The following CDKL2 variants were observed in gnomAD, a reference collection of about 807,000 sequenced individuals.
The protein encoded by CDKL2 is cyclin dependent kinase like 2, also known as cyclin-dependent kinase-like 2.
Under a neutral mutation model 63.9 loss-of-function variants are expected in CDKL2, and 64 were observed. The observed-to-expected ratio is 1.00, with a 90% CI of 0.82 to 1.23. CDKL2 has a LOEUF of 1.23. Among genes scored for constraint, CDKL2 ranks in the 50% most tolerant of loss-of-function variants. The pLI, the probability that CDKL2 is intolerant of heterozygous loss-of-function variation, is 0.00. For missense variants in CDKL2, 656 were observed against 668.0 expected, an observed-to-expected ratio of 0.98 and a Z score of 0.20; for synonymous variants, 211 against 229.2, an observed-to-expected ratio of 0.92 and a Z score of 0.72.
intron 3 of CDKL2, among the ~76,000 whole-genome samples, chr4:75,608,981 G>A (rs1442764432): frequency 2.8e-5 from 4 of 141,878 alleles, no homozygotes; most frequent in South Asian, 2.2e-4. Context: ...GCAACAGAGC[G>A]AGACTCCATC....
chr4:75,585,051 C>CT (rs1334001913), intron 12 of CDKL2, among the ~76,000 whole-genome samples: 4 of 152,040 alleles, frequency 2.6e-5, no homozygotes, highest in Non-Finnish European at 2.9e-5. Context: ...GAAAGAAACA[C>CT]TTTAAATATA....
intron 3 of CDKL2, among the ~76,000 whole-genome samples, chr4:75,609,406 A>T (rs1420071080): frequency 1.3e-5 from 2 of 151,660 alleles, no homozygotes; most frequent in Non-Finnish European, 2.9e-5. Flanking sequence ...GGAGTTTGAG[A>T]CCAGCCTGGC....
chr4:75,610,148 A>G (rs905913333), intron 3 of CDKL2, among the ~76,000 whole-genome samples: 5 of 151,486 alleles, frequency 3.3e-5, no homozygotes, highest in Admixed American at 1.3e-4. Context: ...GCTTGCAGTG[A>G]GCCGAAATCG....
intron 7 of CDKL2, among the ~76,000 whole-genome samples, chr4:75,599,441 A>T (rs1302559788): frequency 6.7e-6 from 1 of 150,144 alleles, no homozygotes; most frequent in Admixed American, 6.8e-5. Context: ...CATGCCTGTA[A>T]TCCCAGCTAC....
chr4:75,598,355 G>C, intron 7 of CDKL2, 143 bp from the exon 8 acceptor site: 1 of 458,314 alleles, frequency 2.2e-6, no homozygotes, highest in Non-Finnish European at 3.7e-6. Flanking sequence ...GCCTAGATCA[G>C]CAGTTTGGAA....
intron 3 of CDKL2, among the ~76,000 whole-genome samples, chr4:75,607,924 T>C (rs1476540616): frequency 6.6e-6 from 1 of 151,970 alleles, no homozygotes; most frequent in Non-Finnish European, 1.5e-5. Context: ...GCCATTCTCC[T>C]GCCTCAGCCT....
At chr4:75,613,018 C>T (rs1729772001) in intron 3 of CDKL2, among the ~76,000 whole-genome samples, 1 of 151,762 alleles carries the variant, frequency 6.6e-6, no homozygotes, top group Admixed American at 6.6e-5. Context: ...CCAGCTACTC[C>T]GGAGGCTGAG....
chr4:75,620,697 G>T (rs59405026), intron 2 of CDKL2, among the ~76,000 whole-genome samples: 23,357 of 152,096 alleles, frequency 0.15, 2,457 homozygotes, highest in African/African-American at 0.3. Flanking sequence ...TGCCACTTTA[G>T]AGGGAAGACT....
chr4:75,587,858 C>T (rs974292381), intron 12 of CDKL2, among the ~76,000 whole-genome samples: 1 of 146,554 alleles, frequency 6.8e-6, no homozygotes, highest in East Asian at 2.0e-4. Context: ...GAGCCGAGAT[C>T]GAGCCATTGC....
chr4:75,609,221 GA>G (rs1297899753), intron 3 of CDKL2, among the ~76,000 whole-genome samples: 2 of 152,076 alleles, frequency 1.3e-5, no homozygotes, highest in Non-Finnish European at 2.9e-5. Context: ...CAGGCAATTA[GA>G]AATGTAAAGA....
In CDKL2 at chr4:75,597,302, A is replaced by G. The variant is rs988238007; in HGVS notation, c.1021-66T>C. 347 of 1,014,064 alleles carry G rather than the reference A, an allele frequency of 3.4e-4. 2 individuals are homozygous for G. Among genetic ancestry groups the G allele is most frequent in the Non-Finnish European group, 8.5e-5 (58 of 684,338 alleles). The allele number at this position is 1,014,064 out of a possible 1,614,324, so 62.8% of individuals were successfully genotyped here. A position where few individuals can be genotyped will look rare whatever the true frequency, so the allele number is the denominator to read the frequency against. On this transcript the variant is annotated intron_variant, in intron 8 of 13. Transcript: ENST00000307465. ...AGAGAATGAAAATTTACCTCTTCTT[A>G]TAAAGTACTTGTCAACTAGAGCAGA...
chr4:75,622,734 A>AAAC (rs1730209872), intron 2 of CDKL2, among the ~76,000 whole-genome samples: 5 of 148,636 alleles, frequency 3.4e-5, no homozygotes, highest in African/African-American at 1.2e-4. Context: ...AAAAAAAAAA[A>AAAC]AAAAAAAAAA....
chr4:75,605,565 T>C lies in CDKL2; in HGVS notation c.612A>G (p.Gly204=). Residue 204 remains glycine, a synonymous_variant, in exon 5 of 14, where the codon GGA becomes GGG. Transcript: ENST00000307465. ...GATATAGCTGATCAATATCAGAATC[T>C]CCAGGAAATAGGGGTTCCCCCATGA... ...EMFMGEPLFP[G]DSDIDQLYHI... The C allele has an allele frequency of 6.2e-7, 1 of 1,613,068 alleles. No homozygotes were observed. The highest frequency in any genetic ancestry group is 1.1e-5 in the South Asian group (1 of 91,050).
rs1224827147 is a variant in CDKL2, at chr4:75,577,871, T to C, written c.*1331A>G. Reference sequence around the variant, plus strand: ...GTCCTACTCTTTTGAGGCTTAAATATCCAAGGTCAGAATTTCAGTATTAAG... The same window carrying C: ...GTCCTACTCTTTTGAGGCTTAAATACCCAAGGTCAGAATTTCAGTATTAAG... On this transcript the variant is annotated 3_prime_UTR_variant, in exon 14 of 14. Transcript: ENST00000307465. The C allele has an allele frequency of 6.6e-6, 1 of 152,430 alleles. No homozygotes were observed. Among genetic ancestry groups the C allele is most frequent in the Non-Finnish European group, 1.5e-5 (1 of 68,036 alleles). 9.4% of individuals were successfully genotyped at this position (152,430 alleles called of 1,614,324 possible).
intron 2 of CDKL2, among the ~76,000 whole-genome samples, chr4:75,624,088 G>T (rs1730289514): frequency 1.4e-5 from 2 of 145,134 alleles, no homozygotes; most frequent in African/African-American, 5.1e-5. Flanking sequence ...CCAAGATTAC[G>T]CCACTGCACT....
At chr4:75,614,863 C>T (rs903918417) in intron 2 of CDKL2, among the ~76,000 whole-genome samples, 11 of 111,914 alleles carry the variant, frequency 9.8e-5, no homozygotes, top group African/African-American at 5.2e-4. Flanking sequence ...AGTGACATAC[C>T]CTGAAAAGAC....
intron 3 of CDKL2, among the ~76,000 whole-genome samples, chr4:75,607,808 T>C (rs1248193113): frequency 1.3e-5 from 2 of 152,036 alleles, no homozygotes; most frequent in African/African-American, 4.8e-5. Flanking sequence ...TAAGAGATTG[T>C]GGGGAAAAAA....
At chr4:75,591,716 T>C (rs1728722082) in intron 12 of CDKL2, 103 bp downstream of exon 12, 1 of 716,226 alleles carries the variant, frequency 1.4e-6, no homozygotes, top group Admixed American at 2.9e-5. Flanking sequence ...ATCCCACCAA[T>C]AAACCTGCAC....
chr4:75,629,537 A>C (rs1730580539), intron 1 of CDKL2, among the ~76,000 whole-genome samples: 1 of 152,244 alleles, frequency 6.6e-6, no homozygotes, highest in South Asian at 2.1e-4. Flanking sequence ...AAGGTAATAC[A>C]AACGAAAAAG....
Sources: allele counts gnomAD v4.1 joint callset (sites outside exome capture counted in the v4.1 genomes callset), GRCh38; gene constraint gnomAD v4.1.1; transcripts MANE v1.5; gene names NCBI Gene and HGNC (gene_info 2026-07-23, HGNC 2026-07-21).